The following MYO16 variants were observed in gnomAD, a reference collection of about 807,000 sequenced individuals.
The protein encoded by MYO16 is myosin XVI.
Under a neutral mutation model 205.3 loss-of-function variants are expected in MYO16, and 94 were observed. The ratio of observed to expected loss-of-function variants is 0.46; its 90% CI spans 0.39 to 0.54. The LOEUF (loss-of-function observed/expected upper bound fraction) is 0.54, where lower values mean the gene tolerates loss of function less well. Among genes scored for constraint, MYO16 ranks in the 20% least tolerant of loss-of-function variants. The pLI is 0.00. For missense variants in MYO16, 2,315 were observed against 2,387.5 expected, an observed-to-expected ratio of 0.97 and a Z score of 0.63; for synonymous variants, 988 against 954.0, an observed-to-expected ratio of 1.04 and a Z score of -0.66.
chr13:109,139,205 G>A (rs747398927), intron 31 of MYO16, among the ~76,000 whole-genome samples: 3 of 152,092 alleles, frequency 2.0e-5, no homozygotes, highest in Non-Finnish European at 2.9e-5. Context: ...CGACTACCTC[G>A]GCTTCCCAAA....
chr13:109,177,717 G>A (rs1018314689), intron 33 of MYO16, among the ~76,000 whole-genome samples: 14 of 152,040 alleles, frequency 9.2e-5, no homozygotes, highest in South Asian at 2.1e-4. Flanking sequence ...GGATTTCACC[G>A]TGTTGGCTGG....
intron 16 of MYO16, among the ~76,000 whole-genome samples, chr13:108,930,436 A>C (rs1047975982): frequency 9.2e-5 from 14 of 152,336 alleles, no homozygotes; most frequent in African/African-American, 3.4e-4. Context: ...CAGCAAATAT[A>C]ATCTAGCAGT....
rs2139982605 is a variant in MYO16 at position 109,206,103 on chromosome 13, G to T, written c.5416-506G>T. The stretch of plus-strand genomic sequence containing the variant: ...TATGAACGGACCCTCATGAGTAGGG[G>T]TCCATCTTTGGGTCCATGCCTTATG... On this transcript the variant is annotated intron_variant, in intron 34 of 34. Coordinates refer to ENST00000457511, the MANE Select transcript of MYO16 (RefSeq NM_001198950.3). Among the ~76,000 whole-genome samples, 3 of 151,874 alleles carry T rather than the reference G, an allele frequency of 2.0e-5. 1 individual carries two copies. Among genetic ancestry groups the T allele is most frequent in the Admixed American group, 2.0e-4 (3 of 15,244 alleles).
intron 16 of MYO16, among the ~76,000 whole-genome samples, chr13:108,941,599 C>T (rs1882724201): frequency 1.3e-5 from 2 of 150,036 alleles, no homozygotes; most frequent in South Asian, 2.1e-4. Context: ...ATCATTTGAA[C>T]CTGGGAGGCA....
intron 4 of MYO16, among the ~76,000 whole-genome samples, chr13:108,782,598 A>T (rs1886337018): frequency 6.6e-6 from 1 of 152,148 alleles, no homozygotes; most frequent in Admixed American, 6.5e-5. Context: ...AATGGGGAAA[A>T]TTTCTCCAGG....
intron 27 of MYO16, among the ~76,000 whole-genome samples, chr13:109,083,435 A>C: frequency 6.7e-6 from 1 of 149,004 alleles, no homozygotes. Flanking sequence ...TGCAGTAGAG[A>C]CGATCAAAAA....
chr13:108,760,323 G>A (rs1438944170), intron 4 of MYO16, among the ~76,000 whole-genome samples: 1 of 152,102 alleles, frequency 6.6e-6, no homozygotes, highest in Non-Finnish European at 1.5e-5. Context: ...GTGTTTCCTG[G>A]CAGAGTTATC....
chr13:108,940,817 C>T (rs1882693241), intron 16 of MYO16, among the ~76,000 whole-genome samples: 1 of 152,158 alleles, frequency 6.6e-6, no homozygotes, highest in African/African-American at 2.4e-5. Flanking sequence ...ATTGTATATA[C>T]TATACTGCAA....
chr13:108,994,118 T>TAATA (rs1346505717), intron 21 of MYO16, among the ~76,000 whole-genome samples: 1 of 152,194 alleles, frequency 6.6e-6, no homozygotes, highest in Non-Finnish European at 1.5e-5. Context: ...AATCCCTTAT[T>TAATA]AGTCCTTCTT....
chr13:108,994,883 C>T (rs1187959050), intron 21 of MYO16, among the ~76,000 whole-genome samples: 2 of 152,140 alleles, frequency 1.3e-5, no homozygotes, highest in African/African-American at 2.4e-5. Context: ...AATTGTTCCT[C>T]CACAGGAAGC....
intron 1 of MYO16, among the ~76,000 whole-genome samples, chr13:108,632,078 C>CAAAA (rs59971095): frequency 1.7e-3 from 117 of 66,992 alleles, no homozygotes; most frequent in Non-Finnish European, 2.7e-3. Flanking sequence ...AACCCCAACT[C>CAAAA]AAAAAAAAAA....
chr13:108,669,628 A>G (rs915009410), intron 2 of MYO16, among the ~76,000 whole-genome samples: 8 of 152,200 alleles, frequency 5.3e-5, no homozygotes, highest in Non-Finnish European at 1.0e-4. Flanking sequence ...GTGTCTGTTC[A>G]TATCCCTCAC....
the MYO16 span, among the ~76,000 whole-genome samples, chr13:108,557,494 G>A: frequency 1.3e-5 from 2 of 152,164 alleles, no homozygotes; most frequent in East Asian, 3.9e-4. Context: ...TGAAACAAAA[G>A]TTTCACAAAA....
At chr13:109,067,973 G>A (rs1265770891) in intron 27 of MYO16, among the ~76,000 whole-genome samples, 2 of 152,056 alleles carry the variant, frequency 1.3e-5, no homozygotes, top group African/African-American at 2.4e-5. Context: ...AAACAAATAC[G>A]CAAAGCTGAC....
At chr13:108,738,974 G>A (rs545832830) in intron 4 of MYO16, among the ~76,000 whole-genome samples, 21 of 151,844 alleles carry the variant, frequency 1.4e-4, no homozygotes, top group African/African-American at 5.1e-4. Flanking sequence ...GCCTTTTTTT[G>A]TTTTCCATTT....
chr13:108,750,446 C>T (rs530199262), intron 4 of MYO16, among the ~76,000 whole-genome samples: 5 of 152,054 alleles, frequency 3.3e-5, no homozygotes, highest in South Asian at 2.1e-4. Flanking sequence ...TACTTCAAAC[C>T]ACAAAGTTAC....
intron 4 of MYO16, among the ~76,000 whole-genome samples, chr13:108,740,877 C>T (rs945512629): frequency 1.3e-5 from 2 of 152,148 alleles, no homozygotes; most frequent in African/African-American, 2.4e-5. Context: ...GCAGTTATAT[C>T]TCAGGCTGCT....
chr13:109,181,015 T>G (rs7985835), intron 34 of MYO16, among the ~76,000 whole-genome samples: 48,064 of 152,140 alleles, frequency 0.32, 8,294 homozygotes, highest in African/African-American at 0.44. Context: ...CCATCTGACA[T>G]CCTTTCCAGG....
intron 21 of MYO16, among the ~76,000 whole-genome samples, chr13:109,001,314 A>G (rs2139460806): frequency 6.6e-6 from 1 of 152,226 alleles, no homozygotes; most frequent in East Asian, 1.9e-4. Context: ...TGCCCAGTCC[A>G]CTTCCTGGGT....
Sources: gnomAD v4.1 joint callset for allele counts (sites outside exome capture counted in the v4.1 genomes callset) on GRCh38, gnomAD v4.1.1 for gene constraint, MANE v1.5 for transcripts, NCBI Gene and HGNC (gene_info 2026-07-23, HGNC 2026-07-21) for gene names.